The following UBE3A variants were observed in gnomAD, a reference collection of about 807,000 sequenced individuals.
The protein encoded by UBE3A is ubiquitin-protein ligase E3A.
UBE3A carries 6 observed loss-of-function variants against 83.4 expected under a neutral mutation model. That is an observed-to-expected ratio of 0.07 (90% confidence interval 0.04 to 0.14). The LOEUF (loss-of-function observed/expected upper bound fraction) is 0.14. Among genes scored for constraint, UBE3A ranks in the 10% least tolerant of loss-of-function variants. The pLI, the probability that UBE3A is intolerant of heterozygous loss-of-function variation, is 1.00. For synonymous variants in UBE3A, 337 were observed against 355.4 expected (o/e 0.95, Z 0.58); for missense variants, 456 against 1,036.1 (o/e 0.44, Z 7.69).
chr15:25,409,856 A>G (rs1184966779), intron 2 of UBE3A, among the ~76,000 whole-genome samples: 2 of 152,108 alleles, frequency 1.3e-5, no homozygotes, highest in Non-Finnish European at 2.9e-5. Context: ...ACATAAACAC[A>G]AAGTCTAGTC....
chr15:25,404,672 G>C (rs914493648), intron 4 of UBE3A, among the ~76,000 whole-genome samples: 1 of 152,062 alleles, frequency 6.6e-6, no homozygotes, highest in Non-Finnish European at 1.5e-5. Flanking sequence ...AAAAATACAC[G>C]TTTGACAAAC....
In UBE3A at chr15:25,390,488, A is replaced by C. The variant is rs140228271; in HGVS notation, c.63-14725T>G. On this transcript the variant is annotated intron_variant, in intron 4 of 12. Coordinates refer to ENST00000648336, the MANE Select transcript of UBE3A (RefSeq NM_130839.5). ...ACTAACAACCTATGAAAAGACATGG[A>C]AGAAACTTTAATGCATATTAGTAAG... 2.0e-5 allele frequency among the ~76,000 whole-genome samples: 3 copies of C among 152,312 alleles called. No homozygotes were observed. The East Asian group carries it at 5.8e-4, about 29-fold the overall frequency.
intron 3 of UBE3A, among the ~76,000 whole-genome samples, chr15:25,406,088 A>T (rs183579749): frequency 6.6e-6 from 1 of 152,210 alleles, no homozygotes; most frequent in African/African-American, 2.4e-5. Flanking sequence ...TGGCCCATAA[A>T]GCCTAAAATA....
intron 3 of UBE3A, chr15:25,407,547 A>G (rs2088928200): frequency 6.5e-6 from 1 of 152,876 alleles, no homozygotes; most frequent in Admixed American, 6.5e-5. Context: ...AAGCAAGAGA[A>G]TATGTGAACT....
intron 6 of UBE3A, among the ~76,000 whole-genome samples, chr15:25,361,275 G>A (rs369554840): frequency 6.6e-6 from 1 of 152,040 alleles, no homozygotes; most frequent in South Asian, 2.1e-4. Context: ...ACAGGCAGGC[G>A]CCACTACGCC....
intron 4 of UBE3A, among the ~76,000 whole-genome samples, chr15:25,397,386 T>C (rs1209746963): frequency 1.3e-5 from 2 of 152,158 alleles, no homozygotes; most frequent in African/African-American, 4.8e-5. Context: ...TGGTTTTTAC[T>C]ACCAAATGCA....
intron 3 of UBE3A, among the ~76,000 whole-genome samples, chr15:25,406,086 A>G (rs2088465411): frequency 6.6e-6 from 1 of 152,230 alleles, no homozygotes; most frequent in Admixed American, 6.5e-5. Flanking sequence ...CATGGCCCAT[A>G]AAGCCTAAAA....
chr15:25,427,535 A>G (rs1891679102), intron 1 of UBE3A, among the ~76,000 whole-genome samples: 1 of 150,956 alleles, frequency 6.6e-6, no homozygotes, highest in African/African-American at 2.4e-5. Context: ...TCACAATAAT[A>G]CAAAGGAATT....
At chr15:25,405,354 G>T in intron 4 of UBE3A, 107 bp downstream of exon 4, 3 of 1,318,214 alleles carry the variant, frequency 2.3e-6, no homozygotes, top group Non-Finnish European at 3.3e-6. Context: ...ACTGCTAAAT[G>T]ATTCCTTTCT....
At chr15:25,369,814 G>C (rs1199098445) in intron 6 of UBE3A, among the ~76,000 whole-genome samples, 1 of 152,088 alleles carries the variant, frequency 6.6e-6, no homozygotes, top group Non-Finnish European at 1.5e-5. Flanking sequence ...GAAAGAAAAG[G>C]AACAAATGGC....
At chr15:25,436,459 T>C (rs919272687) in intron 1 of UBE3A, among the ~76,000 whole-genome samples, 3 of 151,610 alleles carry the variant, frequency 2.0e-5, no homozygotes, top group Non-Finnish European at 4.4e-5. Context: ...GGATGAAAAA[T>C]TTTGCTATGA....
intron 11 of UBE3A, among the ~76,000 whole-genome samples, chr15:25,345,217 T>C (rs2075468697): frequency 6.6e-6 from 1 of 151,960 alleles, no homozygotes; most frequent in African/African-American, 2.4e-5. Context: ...GGGCTTAAAG[T>C]TTTAAAAAGT....
intron 1 of UBE3A, chr15:25,419,098 G>A (rs539105825): frequency 6.6e-6 from 1 of 152,256 alleles, no homozygotes; most frequent in African/African-American, 2.4e-5. Flanking sequence ...CTGACCAAAT[G>A]AGAGATTCAT....
intron 11 of UBE3A, among the ~76,000 whole-genome samples, chr15:25,349,544 C>T (rs577904127): frequency 7.9e-5 from 12 of 152,216 alleles, no homozygotes; most frequent in South Asian, 2.1e-4. Context: ...ATGGGGAATA[C>T]GTTCCAAGAC....
chr15:25,385,229 T>C lies in UBE3A; in HGVS notation c.63-9466A>G, dbSNP rs61998990. On this transcript the variant is annotated intron_variant, in intron 4 of 12. Transcript: ENST00000648336. ...TGTTATTTGGTTAATATCCAGAATA[T>C]ATAAATAACTCCTACAATTCAACAA... Among the ~76,000 whole-genome samples the C allele has an allele frequency of 2.6e-5, 4 of 152,294 alleles. No homozygotes were observed. The East Asian group carries it at 5.8e-4, about 22-fold the overall frequency.
intron 4 of UBE3A, among the ~76,000 whole-genome samples, chr15:25,398,167 C>CAAAAAAAAAAA (rs71127052): frequency 5.0e-5 from 5 of 99,172 alleles, no homozygotes; most frequent in African/African-American, 2.7e-4. Context: ...GACTCTGTCT[C>CAAAAAAAAAAA]AAAAAAAAAA....
In UBE3A at chr15:25,354,210, A is replaced by G. The variant is rs535007682; in HGVS notation, c.2354+143T>C. The stretch of plus-strand genomic sequence containing the variant: ...ATTAGCTCTGAAAAATGGTGATTAT[A>G]TTACAAATACAAATCTAAGTATATA... On this transcript the variant is annotated intron_variant, in intron 11 of 12. Coordinates refer to ENST00000648336, the MANE Select transcript of UBE3A (RefSeq NM_130839.5). The G allele has an allele frequency of 6.9e-5, 50 of 728,386 alleles. No individual in the cohort carries two copies. In the African/African-American group the frequency reaches 8.1e-4, roughly 12 times the overall value. 45.1% of individuals were successfully genotyped at this position (728,386 alleles called of 1,614,324 possible). A position where few individuals can be genotyped will look rare whatever the true frequency, so the allele number is the denominator to read the frequency against.
chr15:25,384,701 A>T (rs966620401), intron 4 of UBE3A, among the ~76,000 whole-genome samples: 1 of 152,170 alleles, frequency 6.6e-6, no homozygotes, highest in Non-Finnish European at 1.5e-5. Flanking sequence ...AGGACCCTGA[A>T]TAGCCGTAAC....
At chr15:25,351,326 T>C (rs1223996664) in intron 11 of UBE3A, among the ~76,000 whole-genome samples, 1 of 152,144 alleles carries the variant, frequency 6.6e-6, no homozygotes, top group East Asian at 1.9e-4. Flanking sequence ...TATCACAATT[T>C]TGTAACCCTC....
Sources: allele counts gnomAD v4.1 joint callset (sites outside exome capture counted in the v4.1 genomes callset), GRCh38; gene constraint gnomAD v4.1.1; transcripts MANE v1.5; gene names NCBI Gene and HGNC (gene_info 2026-07-23, HGNC 2026-07-21).